The following ZNF836 variants were observed in gnomAD, a reference collection of about 807,000 sequenced individuals.
ZNF836 encodes zinc finger protein 836.
Under a neutral mutation model 7.4 loss-of-function variants are expected in ZNF836, and 12 were observed. The ratio of observed to expected loss-of-function variants is 1.61; its 90% CI spans 1.03 to 2.61. The LOEUF is 2.61. Ranked by LOEUF, ZNF836 falls within the 30% of genes most tolerant of loss-of-function variation. The pLI is 0.00. For missense variants in ZNF836, 998 were observed against 1,126.2 expected (o/e 0.89, Z 1.63); for synonymous variants, 365 against 382.6 (o/e 0.95, Z 0.54).
rs199700309 is a variant in ZNF836, at chr19:52,161,654, A to G, written c.16-1063T>C. Among the ~76,000 whole-genome samples, 1 of 61,658 alleles carries G rather than the reference A, an allele frequency of 1.6e-5. No homozygotes were observed. Among genetic ancestry groups the G allele is most frequent in the African/African-American group, 1.8e-4 (1 of 5,578 alleles). 40.5% of individuals were successfully genotyped at this position (61,658 alleles called of 152,430 possible). Reference sequence around the variant, plus strand: ...GTTTCAACATGAATTGTGGAGGAGAAAAAAAAAAAAAACTCAGACTGTAAC... The same window carrying G: ...GTTTCAACATGAATTGTGGAGGAGAGAAAAAAAAAAAACTCAGACTGTAAC... On this transcript the variant is annotated intron_variant, in intron 3 of 4. Coordinates refer to ENST00000682614, the MANE Select transcript of ZNF836 (RefSeq NM_001102657.3). The surrounding 1 kb of genome is among the most constrained non-coding windows in gnomAD (Gnocchi z 4.1).
At chr19:52,160,348 G>C (rs2089202066) in intron 4 of ZNF836, 117 bp downstream of exon 4, 1 of 1,277,994 alleles carries the variant, frequency 7.8e-7, no homozygotes, top group East Asian at 2.3e-5. Context: ...TTTTATTTGT[G>C]AGTCAACAAG....
intron 4 of ZNF836, among the ~76,000 whole-genome samples, chr19:52,158,276 T>C (rs1016872369): frequency 2.4e-4 from 36 of 152,154 alleles, no homozygotes; most frequent in African/African-American, 8.7e-4. Flanking sequence ...CATGAATAAA[T>C]GTCAAATTAC....
At chr19:52,162,973 C>T (rs535667274) in intron 3 of ZNF836, among the ~76,000 whole-genome samples, 7 of 152,130 alleles carry the variant, frequency 4.6e-5, no homozygotes, top group South Asian at 2.1e-4. Context: ...GTGGCTGGTC[C>T]GCACCTGGCC....
rs757271460 is a variant in ZNF836 at position 52,155,962 on chromosome 19, C to A, written c.1721G>T (p.Arg574Ile). 10 of 1,613,904 alleles carry A rather than the reference C, an allele frequency of 6.2e-6. No homozygotes were observed. The highest frequency in any genetic ancestry group is 1.7e-5 in the Admixed American group (1 of 60,004). The change falls in exon 5 of 5, where the codon AGA becomes ATA. Residue 574 changes from arginine to isoleucine, a missense_variant. By Grantham distance (97) the Arg-to-Ile change is moderately conservative (BLOSUM62 -3). Coordinates refer to ENST00000682614, the MANE Select transcript of ZNF836 (RefSeq NM_001102657.3). ...NYSGNLSIHK[R>I]IHTGEKPFQC... ...GAAAGGTTTCTCTCCCGTATGTATT[C>A]TCTTATGAATTGAAAGGTTTCCACT... is the stretch of plus-strand genomic sequence containing the variant.
In ZNF836 at chr19:52,166,753, T is replaced by A. The variant is rs562438522; in HGVS notation, c.15+1305A>T. ...CACGCCCAGCTAATTTTTTTTTTTT[T>A]ATTTTTTAGTAGAGACGGGGTTTCA... is the stretch of plus-strand genomic sequence containing the variant. On this transcript the variant is annotated intron_variant, in intron 3 of 4. Coordinates refer to ENST00000682614, the MANE Select transcript of ZNF836 (RefSeq NM_001102657.3). Among the ~76,000 whole-genome samples, 1,486 of 150,928 alleles carry A rather than the reference T, an allele frequency of 9.8e-3. 23 individuals carry two copies. The highest frequency in any genetic ancestry group is 0.033 in the African/African-American group (1,349 of 40,886).
rs1434297909 is a variant in ZNF836, at chr19:52,156,820, T to A, written c.863A>T (p.Asp288Val). 6.2e-7 allele frequency: 1 copy of A among 1,614,194 alleles called. No homozygotes were observed. The highest frequency in any genetic ancestry group is 1.1e-5 in the South Asian group (1 of 91,080). Residue 288 changes from aspartate to valine, a missense_variant, in exon 5 of 5, where the codon GAT becomes GTT. By Grantham distance (152) the Asp-to-Val change is radical. Coordinates refer to ENST00000682614, the MANE Select transcript of ZNF836 (RefSeq NM_001102657.3). ...GTGACTTCTCCGGTGATTTACAAGATCTGAATTTTGTCTGAAGATCTTGCC... is the reference window on the plus strand; with the variant it reads ...GTGACTTCTCCGGTGATTTACAAGAACTGAATTTTGTCTGAAGATCTTGCC... ...VCGKIFRQNS[D>V]LVNHRRSHTG...
chr19:52,167,123 G>A (rs377058924), intron 3 of ZNF836, among the ~76,000 whole-genome samples: 84 of 151,566 alleles, frequency 5.5e-4, no homozygotes, highest in East Asian at 2.7e-3. Flanking sequence ...TCTGTGGGAC[G>A]GATACAGTGA....
At chr19:52,168,883 G>A (rs2089287386) in intron 2 of ZNF836, among the ~76,000 whole-genome samples, 1 of 152,134 alleles carries the variant, frequency 6.6e-6, no homozygotes, top group Non-Finnish European at 1.5e-5. Context: ...ATTACTGTAT[G>A]ACCTCACAAG....
At chr19:52,157,578 T>G (rs1413946744) in intron 4 of ZNF836, 38 bp from the exon 5 acceptor site, 2 of 1,025,848 alleles carry the variant, frequency 1.9e-6, no homozygotes, top group Non-Finnish European at 2.6e-6. Context: ...TTTTCGTTGG[T>G]TTTTTTTTTT....
chr19:52,169,504 G>C (rs2089291852), intron 2 of ZNF836, 144 bp downstream of exon 2: 1 of 152,172 alleles, frequency 6.6e-6, no homozygotes, highest in Non-Finnish European at 1.5e-5. Context: ...ACTTGAACCT[G>C]GGAGGCGGAG....
intron 3 of ZNF836, among the ~76,000 whole-genome samples, chr19:52,167,706 G>A (rs2089278051): frequency 6.6e-6 from 1 of 152,082 alleles, no homozygotes; most frequent in South Asian, 2.1e-4. Flanking sequence ...ACTTCCGTGT[G>A]CAGCTTCTCT....
intron 4 of ZNF836, among the ~76,000 whole-genome samples, chr19:52,160,114 C>T (rs1207619074): frequency 4.8e-5 from 7 of 147,126 alleles, no homozygotes; most frequent in Admixed American, 2.1e-4. Flanking sequence ...ACTCAGAAGG[C>T]GGAGGTTGCA....
In ZNF836 at chr19:52,156,780, C is replaced by G. The variant is rs764671162; in HGVS notation, c.903G>C (p.Pro301=). ...ACTTGCCACATTCATTACATTTGTA[C>G]GGTTTCTCTCCAGTGTGACTTCTCC... The part of the protein sequence containing the change: ...NHRRSHTGEK[P]YKCNECGKSF... Residue 301 remains proline, a synonymous_variant, in exon 5 of 5, where the codon CCG becomes CCC. Coordinates refer to ENST00000682614, the MANE Select transcript of ZNF836 (RefSeq NM_001102657.3). 1 of 1,613,406 alleles carries G rather than the reference C, an allele frequency of 6.2e-7. No homozygotes were observed. The highest frequency in any genetic ancestry group is 8.5e-7 in the Non-Finnish European group (1 of 1,179,852).
At chr19:52,170,862 AT>A (rs975805937) in intron 1 of ZNF836, among the ~76,000 whole-genome samples, 1 of 152,082 alleles carries the variant, frequency 6.6e-6, no homozygotes, top group Non-Finnish European at 1.5e-5. Flanking sequence ...GGAAAAGCAT[AT>A]TTTCCAGTGG....
rs2089216319 is a variant in ZNF836, at chr19:52,161,939, A to G, written c.16-1348T>C. Reference sequence around the variant, plus strand: ...CAATGGTGGGGCAGACACAGGTTAAATATTTCAATTCCAAAAGGGAGAAAC... The same window carrying G: ...CAATGGTGGGGCAGACACAGGTTAAGTATTTCAATTCCAAAAGGGAGAAAC... On this transcript the variant is annotated intron_variant, in intron 3 of 4. Transcript: ENST00000682614. This position sits in a 1 kb window ranked among gnomAD's most constrained non-coding sequence, Gnocchi z 4.1. Among the ~76,000 whole-genome samples, 1 of 152,226 alleles carries G rather than the reference A, an allele frequency of 6.6e-6. No individual in the cohort carries two copies. Among genetic ancestry groups the G allele is most frequent in the South Asian group, 2.1e-4 (1 of 4,832 alleles).
chr19:52,160,269 GAAGAC>G, intron 4 of ZNF836, 191 bp downstream of exon 4: 1 of 638,044 alleles, frequency 1.6e-6, no homozygotes, highest in Non-Finnish European at 2.7e-6. Context: ...GACAACAAGG[GAAGAC>G]ATTCAAAAAG....
At chr19:52,163,421 C>T (rs1381429924) in intron 3 of ZNF836, among the ~76,000 whole-genome samples, 4 of 152,186 alleles carry the variant, frequency 2.6e-5, no homozygotes, top group African/African-American at 9.6e-5. Context: ...CATGCAGCAA[C>T]CTGAACAATT....
Position 52,155,066 on chromosome 19 carries a change from G to A in ZNF836, c.2617C>T (p.Arg873Trp), listed in dbSNP as rs750525227. 43 of 1,614,040 alleles carry A rather than the reference G, an allele frequency of 2.7e-5. 1 individual carries two copies. The African/African-American group carries it at 3.3e-4, about 13-fold the overall frequency. ...KCIECGKAFG[R>W]FSCLNKHQMI... ...TGGTGTTTGTTGAGGCAAGAAAACC[G>A]CCCAAAGGCCTTGCCACATTCAATA... is the stretch of plus-strand genomic sequence containing the variant. Residue 873 changes from arginine to tryptophan, a missense_variant, in exon 5 of 5, where the codon CGG becomes TGG. Coordinates refer to ENST00000682614, the MANE Select transcript of ZNF836 (RefSeq NM_001102657.3).
rs745598779 is a variant in ZNF836 at position 52,155,464 on chromosome 19, T to C, written c.2219A>G (p.His740Arg). The change falls in exon 5 of 5, where the codon CAT becomes CGT. Residue 740 changes from histidine (H) to arginine (R), a missense_variant. By Grantham distance (29) the His-to-Arg change is conservative (BLOSUM62 0). Coordinates refer to ENST00000682614, the MANE Select transcript of ZNF836 (RefSeq NM_001102657.3). ...CATCTCTCCAGTATGCCTTCTCTGATGGTACGTCAGGCCTGTTATATGACT... is the reference window on the plus strand; with the variant it reads ...CATCTCTCCAGTATGCCTTCTCTGACGGTACGTCAGGCCTGTTATATGACT... ...TFSHITGLTYHQRRHTGEMPY... is the reference protein window; with the variant it reads ...TFSHITGLTYRQRRHTGEMPY... 4 of 1,614,070 alleles carry C rather than the reference T, an allele frequency of 2.5e-6. No homozygotes were observed. The East Asian group carries it at 6.7e-5, about 27-fold the overall frequency.
Sources: allele counts gnomAD v4.1 joint callset (sites outside exome capture counted in the v4.1 genomes callset), GRCh38; gene constraint gnomAD v4.1.1; non-coding constraint Gnocchi (gnomAD v3.1); transcripts MANE v1.5; gene names NCBI Gene and HGNC (gene_info 2026-07-23, HGNC 2026-07-21).